Variants in SLC4A7 observed in about 807,000 individuals in gnomAD.
SLC4A7 encodes the protein sodium bicarbonate cotransporter 3.
In SLC4A7, 51 loss-of-function variants were observed where a neutral mutation model predicts 137.6. That is an observed-to-expected ratio of 0.37 (90% CI 0.30 to 0.47). SLC4A7 has a LOEUF of 0.47. SLC4A7 is among the 20% of genes least tolerant of loss of function. SLC4A7 has a pLI of 1.00. For synonymous variants in SLC4A7, 542 were observed against 518.6 expected, an observed-to-expected ratio of 1.05 and a Z score of -0.61; for missense variants, 1,247 against 1,525.4, an observed-to-expected ratio of 0.82 and a Z score of 3.04.
rs1471034910 is a variant in SLC4A7 at position 27,438,378 on chromosome 3, A to G, written c.290-852T>C. On this transcript the variant is annotated intron_variant, in intron 3 of 25. Transcript: ENST00000454389. Reference sequence around the variant, plus strand: ...AAATTAGCCAGGCATGGTGGTGGACACCTGTAATCCCAGCTACTCCGGAGG... The same window carrying G: ...AAATTAGCCAGGCATGGTGGTGGACGCCTGTAATCCCAGCTACTCCGGAGG... Among the ~76,000 whole-genome samples, 129 of 136,498 alleles carry G rather than the reference A, an allele frequency of 9.5e-4. No homozygotes were observed. In the Middle Eastern group the frequency reaches 0.015, roughly 16 times the overall value. The allele number at this position is 136,498 out of a possible 152,430, so 89.5% of individuals were successfully genotyped here.
chr3:27,430,605 CAAAA>C (rs36019447), intron 7 of SLC4A7, among the ~76,000 whole-genome samples: 1 of 96,662 alleles, frequency 1.0e-5, no homozygotes, highest in Non-Finnish European at 2.0e-5. Context: ...ACCCCGTCTC[CAAAA>C]AAAAAAAAAA....
chr3:27,440,228 T>C (rs1399398205), intron 3 of SLC4A7, among the ~76,000 whole-genome samples: 1 of 152,178 alleles, frequency 6.6e-6, no homozygotes, highest in African/African-American at 2.4e-5. Context: ...CTGGAGGCTC[T>C]AGGAAAATCA....
chr3:27,435,883 T>C (rs1480628315), intron 5 of SLC4A7, among the ~76,000 whole-genome samples: 1 of 152,070 alleles, frequency 6.6e-6, no homozygotes, highest in African/African-American at 2.4e-5. Context: ...TCAAGGCTAG[T>C]CACAATCTCA....
intron 19 of SLC4A7, 41 bp from the exon 20 acceptor site, chr3:27,394,810 G>A (rs2051968225): frequency 6.3e-7 from 1 of 1,586,764 alleles, no homozygotes; most frequent in Non-Finnish European, 8.6e-7. Flanking sequence ...AAGTCTAAAT[G>A]GTTCCCTCAA....
intron 16 of SLC4A7, among the ~76,000 whole-genome samples, chr3:27,400,422 G>A (rs745619860): frequency 1.3e-5 from 2 of 152,132 alleles, no homozygotes; most frequent in Non-Finnish European, 2.9e-5. Flanking sequence ...TATTGTAAAG[G>A]ACAGTATATG....
At chr3:27,463,873 A>G (rs972011302) in intron 1 of SLC4A7, among the ~76,000 whole-genome samples, 4 of 152,074 alleles carry the variant, frequency 2.6e-5, no homozygotes, top group Admixed American at 6.6e-5. Flanking sequence ...TACCTTTCAA[A>G]GTGTCTGCGT....
intron 7 of SLC4A7, among the ~76,000 whole-genome samples, chr3:27,425,368 C>CT (rs1168081621): frequency 6.0e-4 from 27 of 45,172 alleles, no homozygotes; most frequent in Middle Eastern, 0.016. Flanking sequence ...GAAACTCCGT[C>CT]CTAAAAAAAA....
At chr3:27,405,703 A>C (rs916400551) in intron 13 of SLC4A7, among the ~76,000 whole-genome samples, 1 of 152,234 alleles carries the variant, frequency 6.6e-6, no homozygotes, top group African/African-American at 2.4e-5. Flanking sequence ...AAAGAAATTA[A>C]TCTAATATGA....
intron 1 of SLC4A7, among the ~76,000 whole-genome samples, chr3:27,481,686 CTAT>C (rs1308782779): frequency 6.6e-6 from 1 of 152,170 alleles, no homozygotes; most frequent in Non-Finnish European, 1.5e-5. Flanking sequence ...TATTTGATTT[CTAT>C]TATTGATTTA....
At chr3:27,395,980 T>C (rs900148407) in intron 18 of SLC4A7, among the ~76,000 whole-genome samples, 3 of 152,214 alleles carry the variant, frequency 2.0e-5, no homozygotes, top group Admixed American at 6.5e-5. Context: ...CTTTATGAGA[T>C]ACTAATACAT....
chr3:27,376,638 A>G lies in SLC4A7; in HGVS notation c.*126T>C. ...ACGGTGCTCATTACAAACTCCAGAC[A>G]CTACTTTTAAAAACCCGGTAGTCAC... On this transcript the variant is annotated 3_prime_UTR_variant, in exon 26 of 26. Transcript: ENST00000454389. 1 of 551,184 alleles carries G rather than the reference A, an allele frequency of 1.8e-6. No individual in the cohort carries two copies. Among genetic ancestry groups the G allele is most frequent in the Non-Finnish European group, 3.3e-6 (1 of 307,652 alleles). 34.1% of individuals were successfully genotyped at this position (551,184 alleles called of 1,614,324 possible).
At chr3:27,421,548 T>C in intron 9 of SLC4A7, 74 bp downstream of exon 9, 2 of 1,125,756 alleles carry the variant, frequency 1.8e-6, no homozygotes, top group Non-Finnish European at 2.6e-6. Context: ...TCAACATGCT[T>C]GTTCATTCGC....
At chr3:27,380,461 ATAAG>A (rs2050311184) in intron 24 of SLC4A7, among the ~76,000 whole-genome samples, 1 of 152,220 alleles carries the variant, frequency 6.6e-6, no homozygotes, top group Non-Finnish European at 1.5e-5. Context: ...ATTGTCCATC[ATAAG>A]TAATAGGAAA....
chr3:27,391,553 T>A (rs551029357), intron 21 of SLC4A7, among the ~76,000 whole-genome samples, 187 bp downstream of exon 21: 1 of 152,286 alleles, frequency 6.6e-6, no homozygotes, highest in South Asian at 2.1e-4. Context: ...ATGATCTCAC[T>A]CTCTGGAGGA....
intron 3 of SLC4A7, among the ~76,000 whole-genome samples, chr3:27,438,760 G>A (rs1417750771): frequency 2.0e-5 from 3 of 152,008 alleles, no homozygotes; most frequent in Non-Finnish European, 2.9e-5. Flanking sequence ...ACTTTACAAT[G>A]TAAAGTTAAA....
At chr3:27,455,491 A>C (rs1436912837) in intron 1 of SLC4A7, among the ~76,000 whole-genome samples, 1 of 152,172 alleles carries the variant, frequency 6.6e-6, no homozygotes, top group East Asian at 1.9e-4. Context: ...TTTGAATGGA[A>C]GTCAAGTTAA....
intron 1 of SLC4A7, among the ~76,000 whole-genome samples, chr3:27,473,869 C>A (rs2059358178): frequency 6.6e-6 from 1 of 151,766 alleles, no homozygotes; most frequent in Non-Finnish European, 1.5e-5. Context: ...TGTGTGTGTA[C>A]CCAAAACAAA....
chr3:27,380,005 T>G (rs1176905566), intron 24 of SLC4A7, among the ~76,000 whole-genome samples: 1 of 152,114 alleles, frequency 6.6e-6, no homozygotes, highest in African/African-American at 2.4e-5. Flanking sequence ...ATCAAGTTTA[T>G]CAAAATTAAA....
rs138303070 is a variant in SLC4A7 at position 27,455,415 on chromosome 3, C to T, written c.61-2917G>A. ...TATTTATTTGTATTAAGTAAAAAGC[C>T]GGGGAAAAGGCTTGATGGGATACAC... On this transcript the variant is annotated intron_variant, in intron 1 of 25. Coordinates refer to ENST00000454389, the MANE Select transcript of SLC4A7 (RefSeq NM_001321103.2). 4.3e-3 allele frequency among the ~76,000 whole-genome samples: 649 copies of T among 152,100 alleles called. 2 individuals carry two copies. Among genetic ancestry groups the T allele is most frequent in the African/African-American group, 0.015 (616 of 41,492 alleles).
Sources: gnomAD v4.1 joint callset for allele counts (sites outside exome capture counted in the v4.1 genomes callset) on GRCh38, gnomAD v4.1.1 for gene constraint, MANE v1.5 for transcripts, NCBI Gene and HGNC (gene_info 2026-07-23, HGNC 2026-07-21) for gene names.